ULK4: variants seen among roughly 807,000 people sequenced by gnomAD.
ULK4 encodes unc-51 like kinase 4, also known as inactive serine/threonine-protein kinase ULK4.
Under a neutral mutation model 160.6 loss-of-function variants are expected in ULK4, and 133 were observed. The observed-to-expected ratio is 0.83, with a 90% confidence interval of 0.72 to 0.96. ULK4 has a LOEUF of 0.96. Among genes scored for constraint, ULK4 ranks in the 40% least tolerant of loss-of-function variants. The pLI, the probability that ULK4 is intolerant of heterozygous loss-of-function variation, is 0.00. For missense variants in ULK4, 1,580 were observed against 1,499.5 expected (o/e 1.05, Z -0.89); for synonymous variants, 534 against 539.8 (o/e 0.99, Z 0.15).
chr3:41,390,986 G>C lies in ULK4; in HGVS notation c.3678+7093C>G, dbSNP rs866288291. ...CCCTTCACAGCCTCTAGAACTCTCT[G>C]TTTTACTTTTTACTTCTATGAGAGC... is the stretch of plus-strand genomic sequence containing the variant. On this transcript the variant is annotated intron_variant, in intron 35 of 36. Transcript: ENST00000301831. Among the ~76,000 whole-genome samples the C allele has an allele frequency of 3.9e-5, 6 of 152,034 alleles. 1 individual carries two copies. In the Middle Eastern group the frequency reaches 0.01, roughly 259 times the overall value.
chr3:41,820,690 T>A (rs74672226), intron 18 of ULK4, among the ~76,000 whole-genome samples: 3,398 of 152,264 alleles, frequency 0.022, 80 homozygotes, highest in East Asian at 0.092. Flanking sequence ...GTTCACTACC[T>A]GGGAGGTAGG....
At position 41,444,445 on chromosome 3, in the gene ULK4, A is replaced by C. The variant is rs550955162; in HGVS notation, c.3492+11052T>G. ...TATGTCTCATAATGAATTTGTTATA[A>C]GTTGTGGAACTCAAAAGACCATCAG... On this transcript the variant is annotated intron_variant, in intron 34 of 36. Transcript: ENST00000301831. Among the ~76,000 whole-genome samples the C allele has an allele frequency of 1.1e-3, 166 of 151,270 alleles. 2 individuals carry two copies. Among genetic ancestry groups the C allele is most frequent in the African/African-American group, 3.7e-3 (152 of 41,098 alleles).
At chr3:41,429,955 G>C (rs986390686) in intron 34 of ULK4, among the ~76,000 whole-genome samples, 1 of 152,044 alleles carries the variant, frequency 6.6e-6, no homozygotes, top group African/African-American at 2.4e-5. Context: ...ATATGGCCTA[G>C]AAGTTAAAAT....
At chr3:41,403,095 A>T (rs1421604111) in intron 34 of ULK4, among the ~76,000 whole-genome samples, 1 of 151,984 alleles carries the variant, frequency 6.6e-6, no homozygotes, top group East Asian at 1.9e-4. Context: ...GGTTGTGGTG[A>T]GCCAATATCA....
intron 32 of ULK4, among the ~76,000 whole-genome samples, chr3:41,483,828 A>C (rs891592854): frequency 2.0e-5 from 3 of 152,230 alleles, no homozygotes; most frequent in Non-Finnish European, 4.4e-5. Context: ...AGAGGGAGGC[A>C]GGAGACCAGG....
intron 34 of ULK4, among the ~76,000 whole-genome samples, chr3:41,445,660 T>C (rs2083281193): frequency 6.6e-6 from 1 of 152,334 alleles, no homozygotes; most frequent in South Asian, 2.1e-4. Flanking sequence ...CTGGGGAAAC[T>C]GGCTAGCCAT....
At chr3:41,707,533 A>G (rs956368514) in intron 25 of ULK4, among the ~76,000 whole-genome samples, 1 of 152,140 alleles carries the variant, frequency 6.6e-6, no homozygotes, top group African/African-American at 2.4e-5. Flanking sequence ...AAATAACCCA[A>G]TGTTTTCAAA....
At chr3:41,858,663 T>TTG (rs1164255913) in intron 17 of ULK4, among the ~76,000 whole-genome samples, 1 of 143,582 alleles carries the variant, frequency 7.0e-6, no homozygotes, top group African/African-American at 2.9e-5. Context: ...TGGCTAATTT[T>TTG]TGTGTGATTT....
chr3:41,669,642 T>C (rs943747918), intron 29 of ULK4, among the ~76,000 whole-genome samples: 1 of 152,106 alleles, frequency 6.6e-6, no homozygotes, highest in Non-Finnish European at 1.5e-5. Context: ...GATGCAGCCA[T>C]AAAAAATGGT....
chr3:41,741,045 G>C (rs1296176029), intron 22 of ULK4, among the ~76,000 whole-genome samples: 1 of 151,864 alleles, frequency 6.6e-6, no homozygotes, highest in Admixed American at 6.6e-5. Context: ...AGTCTAAAAA[G>C]ATGTGAACTT....
rs993832199 is a variant in ULK4, at chr3:41,637,719, G to A, written c.3072-22002C>T. Among the ~76,000 whole-genome samples, 7 of 151,858 alleles carry A rather than the reference G, an allele frequency of 4.6e-5. No homozygotes were observed. In the East Asian group the frequency reaches 5.8e-4, roughly 13 times the overall value. On this transcript the variant is annotated intron_variant, in intron 30 of 36. Transcript: ENST00000301831. ...CAATCCTTGTTATCTTTCATTTTTC[G>A]GATCATAGCCATTCTAACAGGTGTG...
At chr3:41,951,963 T>G (rs1291137250) in intron 2 of ULK4, among the ~76,000 whole-genome samples, 1 of 152,196 alleles carries the variant, frequency 6.6e-6, no homozygotes, top group African/African-American at 2.4e-5. Flanking sequence ...ACCAATAAAT[T>G]TCTGTTATTT....
intron 32 of ULK4, among the ~76,000 whole-genome samples, chr3:41,534,996 C>T (rs2086449705): frequency 2.0e-5 from 3 of 152,112 alleles, no homozygotes; most frequent in Admixed American, 2.0e-4. Flanking sequence ...TACATATACA[C>T]ACACATAAGG....
chr3:41,706,451 T>C (rs1035720745), intron 25 of ULK4, among the ~76,000 whole-genome samples: 4 of 148,126 alleles, frequency 2.7e-5, no homozygotes, highest in Admixed American at 2.0e-4. Flanking sequence ...ATTTTATATA[T>C]GGTAACAAAT....
Position 41,900,739 on chromosome 3 carries a change from T to C in ULK4, c.1273A>G (p.Ile425Val), listed in dbSNP as rs555419705. 3.1e-6 allele frequency: 5 copies of C among 1,613,564 alleles called. No homozygotes were observed. The highest frequency in any genetic ancestry group is 2.2e-5 in the South Asian group (2 of 91,028). ...TDSDLVVTPI[I>V]DNPKIMKQPP... ...TCTTTCTGCACCTTTGGATTGTCGA[T>C]AATGGGGGTGACAACAAGATCTGAG... Residue 425 changes from isoleucine to valine, a missense_variant, in exon 13 of 37, where the codon ATC (isoleucine) becomes GTC (valine). Ile to Val is a conservative substitution (Grantham distance 29). Coordinates refer to ENST00000301831, the MANE Select transcript of ULK4 (RefSeq NM_017886.4).
chr3:41,887,164 C>CA (rs1697755203), intron 16 of ULK4, among the ~76,000 whole-genome samples: 1 of 152,204 alleles, frequency 6.6e-6, no homozygotes, highest in Non-Finnish European at 1.5e-5. Context: ...GGCCCCACCA[C>CA]TGGGGGCGAG....
In ULK4 at chr3:41,854,998, C is replaced by T. The variant is rs533736220; in HGVS notation, c.1657-19027G>A. On this transcript the variant is annotated intron_variant, in intron 17 of 36. Transcript: ENST00000301831. Reference sequence around the variant, plus strand: ...AAACTATCGGGATCACAAGAGATAACAATGCATACGTCATCTCAGAGATAT... The same window carrying T: ...AAACTATCGGGATCACAAGAGATAATAATGCATACGTCATCTCAGAGATAT... The T allele has an allele frequency of 4.5e-5, 6 of 133,648 alleles. No individual in the cohort carries two copies. In the South Asian group the frequency reaches 1.4e-3, roughly 30 times the overall value. The allele number at this position is 133,648 out of a possible 1,614,324, so 8.3% of individuals were successfully genotyped here.
chr3:41,594,759 C>T (rs1245789224), intron 31 of ULK4, among the ~76,000 whole-genome samples: 8 of 151,922 alleles, frequency 5.3e-5, no homozygotes, highest in Non-Finnish European at 1.2e-4. Flanking sequence ...TCAAATCTAG[C>T]AAATCTAGCT....
At chr3:41,831,614 A>T (rs907450965) in intron 18 of ULK4, among the ~76,000 whole-genome samples, 1 of 151,640 alleles carries the variant, frequency 6.6e-6, no homozygotes, top group South Asian at 2.1e-4. Flanking sequence ...CGTGTGCCAG[A>T]GTGGTTTGTT....
Sources: gnomAD v4.1 joint callset for allele counts (sites outside exome capture counted in the v4.1 genomes callset) on GRCh38, gnomAD v4.1.1 for gene constraint, MANE v1.5 for transcripts, NCBI Gene and HGNC (gene_info 2026-07-23, HGNC 2026-07-21) for gene names.